WDPCP: variants seen among roughly 807,000 people sequenced by gnomAD.
The protein encoded by WDPCP is WD repeat containing planar cell polarity effector.
In WDPCP, 71 loss-of-function variants were observed where a neutral mutation model predicts 93.1. The observed-to-expected ratio is 0.76, with a 90% confidence interval of 0.63 to 0.93. The LOEUF (loss-of-function observed/expected upper bound fraction) is 0.93, where lower values mean the gene tolerates loss of function less well. Among genes scored for constraint, WDPCP ranks in the 40% least tolerant of loss-of-function variants. The pLI, the probability that WDPCP is intolerant of heterozygous loss-of-function variation, is 0.00. For synonymous variants in WDPCP, 315 were observed against 315.0 expected, an observed-to-expected ratio of 1.00 and a Z score of 0.00; for missense variants, 844 against 887.4, an observed-to-expected ratio of 0.95 and a Z score of 0.62.
intron 3 of WDPCP, among the ~76,000 whole-genome samples, chr2:63,647,172 C>T (rs2106634600): frequency 6.6e-6 from 1 of 152,246 alleles, no homozygotes; most frequent in South Asian, 2.1e-4. Flanking sequence ...GAGTCTCACC[C>T]TGTCTCCCAG....
intron 2 of WDPCP, among the ~76,000 whole-genome samples, chr2:63,771,076 CT>C (rs1297125639): frequency 1.3e-5 from 2 of 151,176 alleles, no homozygotes; most frequent in African/African-American, 2.4e-5. Context: ...ATCAAAATAT[CT>C]TTAGGGTCCT....
At chr2:63,443,598 T>G (rs1697647573) in intron 6 of WDPCP, among the ~76,000 whole-genome samples, 2 of 152,128 alleles carry the variant, frequency 1.3e-5, no homozygotes, top group South Asian at 4.1e-4. Flanking sequence ...GGTTAGACCT[T>G]GTTGATGAGA....
chr2:63,259,221 A>C, intron 14 of WDPCP, 86 bp downstream of exon 14: 1 of 1,144,820 alleles, frequency 8.7e-7, no homozygotes, highest in Middle Eastern at 2.2e-4. Context: ...ATTCAAATTA[A>C]CCATCCATGT....
intron 16 of WDPCP, 62 bp downstream of exon 16, chr2:63,153,433 G>T: frequency 1.5e-6 from 2 of 1,291,946 alleles, no homozygotes; most frequent in Non-Finnish European, 2.2e-6. Context: ...GAAAGTTCTT[G>T]CAAGCTATAA....
At chr2:63,610,616 C>T (rs1162525861) in intron 3 of WDPCP, among the ~76,000 whole-genome samples, 1 of 151,724 alleles carries the variant, frequency 6.6e-6, no homozygotes, top group African/African-American at 2.4e-5. Context: ...CTTTGCTCAC[C>T]TGACTCCCAC....
At chr2:63,706,678 G>A (rs1489356648) in intron 2 of WDPCP, among the ~76,000 whole-genome samples, 46 of 142,362 alleles carry the variant, frequency 3.2e-4, no homozygotes, top group East Asian at 1.9e-3. Flanking sequence ...CTGCAGTGGC[G>A]CAATCTCGGC....
intron 14 of WDPCP, among the ~76,000 whole-genome samples, chr2:63,238,221 C>A (rs1019510196): frequency 6.6e-6 from 1 of 151,976 alleles, no homozygotes; most frequent in African/African-American, 2.4e-5. Flanking sequence ...TGAAATAATT[C>A]ATTTTTGATT....
At position 63,312,275 on chromosome 2, in the gene WDPCP, A is replaced by G. The variant is rs1185149111; in HGVS notation, c.1812+973T>C. ...ATGATTGATCTAATGTGATGAATCC[A>G]TAATATTATCTAAAACATCAAAGCT... On this transcript the variant is annotated intron_variant, in intron 13 of 17. Coordinates refer to ENST00000272321, the MANE Select transcript of WDPCP (RefSeq NM_015910.7). 3.3e-5 allele frequency among the ~76,000 whole-genome samples: 5 copies of G among 152,198 alleles called. 1 individual carries two copies. Among genetic ancestry groups the G allele is most frequent in the South Asian group, 4.1e-4 (2 of 4,834 alleles).
At chr2:63,202,056 A>C (rs1375721958) in intron 14 of WDPCP, among the ~76,000 whole-genome samples, 1 of 150,072 alleles carries the variant, frequency 6.7e-6, no homozygotes, top group Non-Finnish European at 1.5e-5. Context: ...TTTTTTTTTG[A>C]GGACTGCTCT....
chr2:63,545,601 C>A (rs764944595), intron 1 of WDPCP, among the ~76,000 whole-genome samples: 3 of 151,796 alleles, frequency 2.0e-5, no homozygotes, highest in Middle Eastern at 3.4e-3. Flanking sequence ...TCTTTCTAGT[C>A]GAGGTATGAT....
chr2:63,338,555 AAAAAAAAAAAAAAAATATAT>A (rs1688571941), intron 12 of WDPCP, among the ~76,000 whole-genome samples: 1 of 12,800 alleles, frequency 7.8e-5, no homozygotes, highest in African/African-American at 7.8e-4. Context: ...TCCATCTAAA[AAAAAAAAAAAAAAAATATAT>A]ATATATATAT....
chr2:63,591,349 A>G (rs1460533350), upstream of WDPCP, among the ~76,000 whole-genome samples: 1 of 152,228 alleles, frequency 6.6e-6, no homozygotes, highest in Non-Finnish European at 1.5e-5. Flanking sequence ...ACATTCAAAC[A>G]CTAAGCCTCA....
At chr2:63,831,656 A>G (rs888403865), upstream of WDPCP, among the ~76,000 whole-genome samples, 1 of 152,066 alleles carries the variant, frequency 6.6e-6, no homozygotes, top group Non-Finnish European at 1.5e-5. Context: ...TTAAACTATT[A>G]AAACACTGCA....
At chr2:63,223,722 A>G (rs1417376039) in intron 14 of WDPCP, among the ~76,000 whole-genome samples, 1 of 152,128 alleles carries the variant, frequency 6.6e-6, no homozygotes, top group African/African-American at 2.4e-5. Context: ...GTATGCTATT[A>G]GGCGGGGGTT....
intron 2 of WDPCP, among the ~76,000 whole-genome samples, chr2:63,732,519 C>T (rs565348517): frequency 6.6e-6 from 1 of 152,130 alleles, no homozygotes; most frequent in East Asian, 1.9e-4. Flanking sequence ...TATCAAAGTA[C>T]TCTTAAAGGA....
chr2:63,579,679 G>C (rs1456661541), intron 1 of WDPCP, among the ~76,000 whole-genome samples: 1 of 152,076 alleles, frequency 6.6e-6, no homozygotes, highest in African/African-American at 2.4e-5. Context: ...CTTTCGTACT[G>C]ATGCAATCCA....
At chr2:63,619,203 G>C (rs1228775715) in intron 3 of WDPCP, among the ~76,000 whole-genome samples, 3 of 152,206 alleles carry the variant, frequency 2.0e-5, no homozygotes, top group Non-Finnish European at 4.4e-5. Flanking sequence ...CGCAAAAATA[G>C]TGAAGGGCAG....
At chr2:63,598,731 A>T (rs886338511) in intron 3 of WDPCP, among the ~76,000 whole-genome samples, 1 of 152,182 alleles carries the variant, frequency 6.6e-6, no homozygotes, top group Non-Finnish European at 1.5e-5. Context: ...GTAAAAGATT[A>T]GAAGATTGTT....
At chr2:63,686,986 C>A (rs1283874547) in intron 2 of WDPCP, among the ~76,000 whole-genome samples, 1 of 152,186 alleles carries the variant, frequency 6.6e-6, no homozygotes, top group East Asian at 1.9e-4. Flanking sequence ...TCAGGAGAGT[C>A]CAATCTTTTG....
Sources: allele counts gnomAD v4.1 joint callset (sites outside exome capture counted in the v4.1 genomes callset), GRCh38; gene constraint gnomAD v4.1.1; transcripts MANE v1.5; gene names NCBI Gene and HGNC (gene_info 2026-07-23, HGNC 2026-07-21).